The following TBCD variants were observed in gnomAD, a reference collection of about 807,000 sequenced individuals.
TBCD encodes tubulin-specific chaperone D.
TBCD carries 105 observed loss-of-function variants against 169.3 expected under a neutral mutation model. That is an observed-to-expected ratio of 0.62 (90% CI 0.53 to 0.73). The LOEUF is 0.73. Among genes scored for constraint, TBCD ranks in the 30% least tolerant of loss-of-function variants. TBCD has a pLI of 0.00. For synonymous variants in TBCD, 700 were observed against 643.9 expected, an observed-to-expected ratio of 1.09 and a Z score of -1.32; for missense variants, 1,444 against 1,600.1, an observed-to-expected ratio of 0.90 and a Z score of 1.66.
rs572910362 is a variant in TBCD at position 82,934,204 on chromosome 17, C to T, written c.3191+1469C>T. Among the ~76,000 whole-genome samples, 11 of 152,358 alleles carry T rather than the reference C, an allele frequency of 7.2e-5. No individual in the cohort carries two copies. In the East Asian group the frequency reaches 1.4e-3, roughly 19 times the overall value. Reference sequence around the variant, plus strand: ...ACTTGGAATTTCCCGCTTCTCACCACGGGCTTCCCGCTGGAGTCTGCCACC... The same window carrying T: ...ACTTGGAATTTCCCGCTTCTCACCATGGGCTTCCCGCTGGAGTCTGCCACC... On this transcript the variant is annotated intron_variant, in intron 34 of 38. Transcript: ENST00000355528.
intron 24 of TBCD, chr17:82,921,255 A>G: frequency 3.6e-6 from 2 of 551,716 alleles, no homozygotes. Flanking sequence ...CCAAAATGTG[A>G]TGTATAAAAA....
At position 82,832,653 on chromosome 17, in the gene TBCD, T is replaced by G; in HGVS notation, c.1318+17719T>G. 1 of 620,668 alleles carries G rather than the reference T, an allele frequency of 1.6e-6. No individual in the cohort carries two copies. Among genetic ancestry groups the G allele is most frequent in the East Asian group, 2.8e-5 (1 of 36,142 alleles). The allele number at this position is 620,668 out of a possible 1,614,324, so 38.4% of individuals were successfully genotyped here. On this transcript the variant is annotated intron_variant, in intron 13 of 38. Transcript: ENST00000355528. The surrounding 1 kb of genome is among the most constrained non-coding windows in gnomAD (Gnocchi z 4.9). Reference sequence around the variant, plus strand: ...GGCTGGGAGCTGTAATAAAGAGCAGTCTTGGTGTCAGGACAGCGAGTGAGG... The same window carrying G: ...GGCTGGGAGCTGTAATAAAGAGCAGGCTTGGTGTCAGGACAGCGAGTGAGG...
intron 5 of TBCD, among the ~76,000 whole-genome samples, chr17:82,770,962 T>C (rs2048277985): frequency 6.7e-6 from 1 of 149,288 alleles, no homozygotes; most frequent in African/African-American, 2.5e-5. Context: ...GGCAGAGAAT[T>C]GCTTGAACCC....
chr17:82,820,193 G>A (rs1483182848), intron 13 of TBCD, among the ~76,000 whole-genome samples: 1 of 152,128 alleles, frequency 6.6e-6, no homozygotes, highest in East Asian at 1.9e-4. Flanking sequence ...GGCCAGGCTG[G>A]TCTCGAACTC....
At chr17:82,929,722 A>G (rs2062044999) in intron 32 of TBCD, 1 of 665,348 alleles carries the variant, frequency 1.5e-6, no homozygotes, top group South Asian at 1.7e-5. Flanking sequence ...GGACAGGGCC[A>G]GCGCCACTCT....
In TBCD at chr17:82,850,167, C is replaced by CTGTGCTGCTGTTGG. The variant is rs1447128033; in HGVS notation, c.1319-20057_1319-20056insTGTGCTGCTGTTGG. ...GCTGTTGTTGGCTGTGCTGTTGTTG[C>CTGTGCTGCTGTTGG]CTGTGCTGCTGTTGGCTGTGCTGCT... On this transcript the variant is annotated intron_variant, in intron 13 of 38. Coordinates refer to ENST00000355528, the MANE Select transcript of TBCD (RefSeq NM_005993.5). Among the ~76,000 whole-genome samples the CTGTGCTGCTGTTGG allele has an allele frequency of 2.1e-4, 4 of 18,836 alleles. 2 individuals carry two copies. The highest frequency in any genetic ancestry group is 1.1e-3 in the Admixed American group (2 of 1,810). 12.4% of individuals were successfully genotyped at this position (18,836 alleles called of 152,430 possible).
chr17:82,863,388 A>G (rs1484956465), intron 13 of TBCD, among the ~76,000 whole-genome samples: 1 of 152,168 alleles, frequency 6.6e-6, no homozygotes, highest in Non-Finnish European at 1.5e-5. Context: ...CCCTTCAGTG[A>G]TGAGGGTGGC....
intron 35 of TBCD, chr17:82,937,579 C>T (rs1382199502): frequency 1.6e-6 from 1 of 607,786 alleles, no homozygotes; most frequent in East Asian, 2.7e-5. Context: ...GCGAGCTCTG[C>T]CTCTGCTGCC....
chr17:82,759,802 A>G (rs892666796), intron 2 of TBCD, among the ~76,000 whole-genome samples: 1 of 152,080 alleles, frequency 6.6e-6, no homozygotes, highest in Non-Finnish European at 1.5e-5. Flanking sequence ...TAAATATTCA[A>G]ATATATTAGC....
chr17:82,905,832 C>T lies in TBCD; in HGVS notation c.1805-104C>T, dbSNP rs3931175. On this transcript the variant is annotated intron_variant, in intron 19 of 38. Coordinates refer to ENST00000355528, the MANE Select transcript of TBCD (RefSeq NM_005993.5). ...TTCCCACAGGCCGTCCGTGTGTGCA[C>T]GCCGTCGCCTGCCCTCCCGGCCCTG... The T allele has an allele frequency of 0.093, 70,049 of 756,542 alleles. 3,895 individuals carry two copies. The highest frequency in any genetic ancestry group is 0.23 in the South Asian group (12,312 of 52,730). The allele number at this position is 756,542 out of a possible 1,614,324, so 46.9% of individuals were successfully genotyped here.
At chr17:82,820,607 G>A (rs934339478) in intron 13 of TBCD, among the ~76,000 whole-genome samples, 6 of 151,824 alleles carry the variant, frequency 4.0e-5, no homozygotes, top group African/African-American at 1.5e-4. Context: ...TACACATGTT[G>A]GTACTCTTGG....
At chr17:82,897,576 A>G (rs770490551) in intron 17 of TBCD, among the ~76,000 whole-genome samples, 2 of 151,720 alleles carry the variant, frequency 1.3e-5, no homozygotes, top group Admixed American at 6.6e-5. Context: ...CATATAGTTT[A>G]CATATAGTAA....
At chr17:82,813,317 G>A (rs578017541) in intron 12 of TBCD, among the ~76,000 whole-genome samples, 1 of 151,970 alleles carries the variant, frequency 6.6e-6, no homozygotes, top group East Asian at 1.9e-4. Flanking sequence ...CCCACTCATA[G>A]CTTCCACTAT....
intron 34 of TBCD, 77 bp downstream of exon 34, chr17:82,932,812 A>C (rs748654945): frequency 7.0e-6 from 10 of 1,436,686 alleles, no homozygotes; most frequent in Non-Finnish European, 9.7e-6. Context: ...GTCATCAGAC[A>C]CAGAGATCAG....
At chr17:82,907,072 C>G (rs981227527) in intron 20 of TBCD, among the ~76,000 whole-genome samples, 1 of 152,244 alleles carries the variant, frequency 6.6e-6, no homozygotes, top group African/African-American at 2.4e-5. Flanking sequence ...TGGGGTCTGG[C>G]CACGTGGGCA....
intron 1 of TBCD, among the ~76,000 whole-genome samples, chr17:82,754,677 A>G (rs552136552): frequency 6.6e-6 from 1 of 152,340 alleles, no homozygotes; most frequent in South Asian, 2.1e-4. Context: ...GACTAAAGGC[A>G]TGAGGGGGTT....
chr17:82,832,962 A>G lies in TBCD; in HGVS notation c.1318+18028A>G, dbSNP rs1377524799. ...AAGCCTTTGAGTTTTGGGAACTTTC[A>G]TCCTGTGACCTGGACCTTTCCTCGA... On this transcript the variant is annotated intron_variant, in intron 13 of 38. Coordinates refer to ENST00000355528, the MANE Select transcript of TBCD (RefSeq NM_005993.5). The surrounding 1 kb of genome is among the most constrained non-coding windows in gnomAD (Gnocchi z 4.9). 6.6e-6 allele frequency among the ~76,000 whole-genome samples: 1 copy of G among 152,076 alleles called. No homozygotes were observed. The highest frequency in any genetic ancestry group is 2.4e-5 in the African/African-American group (1 of 41,408).
chr17:82,830,342 C>T, intron 13 of TBCD: 1 of 1,613,742 alleles, frequency 6.2e-7, no homozygotes, highest in Non-Finnish European at 8.5e-7. Flanking sequence ...GGTTCCGGGG[C>T]CGCAGCATCC....
At position 82,789,455 on chromosome 17, in the gene TBCD, C is replaced by T. The variant is rs902761326; in HGVS notation, c.771+7734C>T. On this transcript the variant is annotated intron_variant, in intron 7 of 38. Transcript: ENST00000355528. This position sits in a 1 kb window ranked among gnomAD's most constrained non-coding sequence, Gnocchi z 4.8. Reference sequence around the variant, plus strand: ...GCTTGGCGGGTCACCAGCCTCACCCCGCTCAGTTCTTAGATGAGGAAGAGA... The same window carrying T: ...GCTTGGCGGGTCACCAGCCTCACCCTGCTCAGTTCTTAGATGAGGAAGAGA... Among the ~76,000 whole-genome samples the T allele has an allele frequency of 1.3e-5, 2 of 152,218 alleles. No homozygotes were observed. The highest frequency in any genetic ancestry group is 6.5e-5 in the Admixed American group (1 of 15,284).
Sources: gnomAD v4.1 joint callset for allele counts (sites outside exome capture counted in the v4.1 genomes callset) on GRCh38, gnomAD v4.1.1 for gene constraint, Gnocchi (gnomAD v3.1) non-coding constraint, MANE v1.5 for transcripts, NCBI Gene and HGNC (gene_info 2026-07-23, HGNC 2026-07-21) for gene names.